Variants in GAB2 observed in about 807,000 individuals in gnomAD.
The protein encoded by GAB2 is GRB2 associated binding protein 2.
A neutral mutation model predicts 65.5 loss-of-function variants in GAB2; 26 were observed. The observed-to-expected ratio is 0.40, with a 90% CI of 0.29 to 0.55. GAB2 has a LOEUF of 0.55. GAB2 is among the 20% of genes least tolerant of loss of function. The pLI, the probability that GAB2 is intolerant of heterozygous loss-of-function variation, is 0.53. For missense variants in GAB2, 884 were observed against 875.8 expected, an observed-to-expected ratio of 1.01 and a Z score of -0.12; for synonymous variants, 321 against 329.6, an observed-to-expected ratio of 0.97 and a Z score of 0.28.
At chr11:78,222,410 C>T (rs894981270) in intron 6 of GAB2, among the ~76,000 whole-genome samples, 1 of 151,638 alleles carries the variant, frequency 6.6e-6, no homozygotes, top group Non-Finnish European at 1.5e-5. Context: ...ATTCTTTCTG[C>T]TGTATCTATG....
intron 2 of GAB2, among the ~76,000 whole-genome samples, chr11:78,270,635 T>C (rs373322082): frequency 7.9e-5 from 12 of 152,374 alleles, no homozygotes; most frequent in African/African-American, 2.4e-4. Flanking sequence ...TGTTTCCTCA[T>C]GCTTAAATGA....
At chr11:78,355,279 A>G (rs116597730) in intron 1 of GAB2, among the ~76,000 whole-genome samples, 2,645 of 152,300 alleles carry the variant, frequency 0.017, 88 homozygotes, top group African/African-American at 0.062. Flanking sequence ...GGGGATCCCA[A>G]AACGTCCCTG....
At chr11:78,387,809 T>C (rs1856787294) in intron 1 of GAB2, among the ~76,000 whole-genome samples, 1 of 152,216 alleles carries the variant, frequency 6.6e-6, no homozygotes, top group African/African-American at 2.4e-5. Flanking sequence ...TTATTTTATA[T>C]GGAGACACCA....
intron 3 of GAB2, among the ~76,000 whole-genome samples, chr11:78,237,106 G>C (rs962831103): frequency 5.3e-5 from 8 of 152,316 alleles, no homozygotes; most frequent in African/African-American, 1.9e-4. Context: ...CTGAAAGACT[G>C]TGGGTAAGAT....
chr11:78,222,347 CTT>C, intron 6 of GAB2, 152 bp from the exon 7 acceptor site: 3 of 617,940 alleles, frequency 4.9e-6, no homozygotes, highest in Non-Finnish European at 5.9e-6. Flanking sequence ...GTTGTATAAT[CTT>C]TGCCCATATT....
intron 2 of GAB2, 45 bp from the exon 3 acceptor site, chr11:78,250,445 T>C (rs1590966470): frequency 6.4e-7 from 1 of 1,556,758 alleles, no homozygotes; most frequent in Non-Finnish European, 8.9e-7. Context: ...GAAGGAAATG[T>C]ATCCTTATCC....
At chr11:78,303,340 GTA>G (rs1229296362) in intron 1 of GAB2, among the ~76,000 whole-genome samples, 1 of 152,034 alleles carries the variant, frequency 6.6e-6, no homozygotes, top group Non-Finnish European at 1.5e-5. Context: ...ACCCATGTTT[GTA>G]TAGAGTATGA....
intron 3 of GAB2, among the ~76,000 whole-genome samples, chr11:78,246,330 C>T (rs1345048867): frequency 6.6e-6 from 1 of 152,072 alleles, no homozygotes; most frequent in Admixed American, 6.5e-5. Context: ...CTGATAATTC[C>T]AACATCTGGG....
chr11:78,241,137 C>A (rs565792600), intron 3 of GAB2, among the ~76,000 whole-genome samples: 2 of 152,328 alleles, frequency 1.3e-5, no homozygotes, highest in East Asian at 3.8e-4. Context: ...CCTATGCTAC[C>A]ACCGCTGCTG....
chr11:78,326,287 C>T (rs1342820714), intron 1 of GAB2, among the ~76,000 whole-genome samples: 3 of 152,144 alleles, frequency 2.0e-5, no homozygotes, highest in Non-Finnish European at 4.4e-5. Flanking sequence ...TAAAATATCA[C>T]AACTTGATGT....
chr11:78,338,959 G>A (rs1406534038), intron 1 of GAB2, among the ~76,000 whole-genome samples: 4 of 151,734 alleles, frequency 2.6e-5, no homozygotes, highest in East Asian at 1.9e-4. Flanking sequence ...ATCTCACTCC[G>A]TTGCCCAGGC....
At chr11:78,308,694 A>G (rs1855423874) in intron 1 of GAB2, among the ~76,000 whole-genome samples, 1 of 152,220 alleles carries the variant, frequency 6.6e-6, no homozygotes, top group African/African-American at 2.4e-5. Flanking sequence ...ACACATACTT[A>G]TGGTAAAACT....
chr11:78,416,409 G>GA (rs1857196260), intron 1 of GAB2, among the ~76,000 whole-genome samples: 1 of 152,194 alleles, frequency 6.6e-6, no homozygotes, highest in Admixed American at 6.5e-5. Flanking sequence ...GAAGTCCCTT[G>GA]ATTCTGATCT....
intron 1 of GAB2, among the ~76,000 whole-genome samples, chr11:78,300,639 T>C (rs1393652769): frequency 6.6e-6 from 1 of 151,510 alleles, no homozygotes; most frequent in Non-Finnish European, 1.5e-5. Context: ...TTATGGCGAC[T>C]GTAGGGGATG....
intron 4 of GAB2, among the ~76,000 whole-genome samples, chr11:78,225,508 C>T (rs1246705448): frequency 6.6e-6 from 1 of 152,202 alleles, no homozygotes; most frequent in Non-Finnish European, 1.5e-5. Flanking sequence ...GCCATCACTT[C>T]TCTGAACACC....
intron 1 of GAB2, among the ~76,000 whole-genome samples, chr11:78,336,361 A>AAAAAAAAAAAAAAAAAAAC (rs1856002523): frequency 7.5e-6 from 1 of 133,694 alleles, no homozygotes. Flanking sequence ...AAAAAAAAAA[A>AAAAAAAAAAAAAAAAAAAC]ACACAACAAG....
chr11:78,312,410 C>A (rs1045376880), intron 1 of GAB2, among the ~76,000 whole-genome samples: 4 of 152,110 alleles, frequency 2.6e-5, no homozygotes, highest in Non-Finnish European at 4.4e-5. Flanking sequence ...TGAGTTGTTA[C>A]TATTATTATC....
intron 1 of GAB2, chr11:78,363,959 C>T (rs1014812290): frequency 2.6e-5 from 4 of 151,932 alleles, no homozygotes; most frequent in Admixed American, 2.6e-4. Context: ...AGTGAAAGTA[C>T]CCACAGACCT....
chr11:78,228,201 G>C (rs535584581), intron 3 of GAB2, among the ~76,000 whole-genome samples: 1 of 152,194 alleles, frequency 6.6e-6, no homozygotes, highest in Non-Finnish European at 1.5e-5. Flanking sequence ...TTTCACAAGA[G>C]TGGTTTTCAA....
Sources: gnomAD v4.1 joint callset for allele counts (sites outside exome capture counted in the v4.1 genomes callset) on GRCh38, gnomAD v4.1.1 for gene constraint, MANE v1.5 for transcripts, NCBI Gene and HGNC (gene_info 2026-07-23, HGNC 2026-07-21) for gene names.